SPOCK3: variants seen among roughly 807,000 people sequenced by gnomAD.
The protein encoded by SPOCK3 is SPARC (osteonectin), cwcv and kazal like domains proteoglycan 3, also known as testican-3.
In SPOCK3, 30 loss-of-function variants were observed where a neutral mutation model predicts 56.6. That is an observed-to-expected ratio of 0.53 (90% CI 0.40 to 0.72). The LOEUF is 0.72. SPOCK3 is among the 30% of genes least tolerant of loss of function. The pLI, the probability that SPOCK3 is intolerant of heterozygous loss-of-function variation, is 0.00. For missense variants in SPOCK3, 527 were observed against 530.0 expected, an observed-to-expected ratio of 0.99 and a Z score of 0.06; for synonymous variants, 196 against 183.3, an observed-to-expected ratio of 1.07 and a Z score of -0.56.
intron 4 of SPOCK3, among the ~76,000 whole-genome samples, chr4:166,931,883 C>G (rs149785671): frequency 9.1e-4 from 139 of 152,306 alleles, no homozygotes; most frequent in African/African-American, 3.1e-3. Context: ...CTCTCCATTA[C>G]TATTGGACCT....
At chr4:167,122,922 A>C (rs2150366637) in intron 2 of SPOCK3, among the ~76,000 whole-genome samples, 1 of 152,194 alleles carries the variant, frequency 6.6e-6, no homozygotes, top group Non-Finnish European at 1.5e-5. Flanking sequence ...GCCTTAAAAT[A>C]ACGGTAACTA....
At chr4:167,095,529 T>C (rs1759075643) in intron 2 of SPOCK3, among the ~76,000 whole-genome samples, 1 of 152,022 alleles carries the variant, frequency 6.6e-6, no homozygotes, top group East Asian at 1.9e-4. Flanking sequence ...AATTAACACC[T>C]AAATGTTATT....
At chr4:167,180,622 C>T (rs866795743) in intron 2 of SPOCK3, among the ~76,000 whole-genome samples, 1 of 152,136 alleles carries the variant, frequency 6.6e-6, no homozygotes, top group South Asian at 2.1e-4. Context: ...GATATTGCAG[C>T]ATTTATATTT....
intron 2 of SPOCK3, among the ~76,000 whole-genome samples, chr4:167,215,551 A>C (rs1394970274): frequency 6.6e-6 from 1 of 152,182 alleles, no homozygotes; most frequent in Non-Finnish European, 1.5e-5. Context: ...CACTGTGAGG[A>C]AGACACAAAA....
At chr4:167,188,779 G>C (rs1732233152) in intron 2 of SPOCK3, among the ~76,000 whole-genome samples, 1 of 146,018 alleles carries the variant, frequency 6.8e-6, no homozygotes, top group African/African-American at 2.6e-5. Flanking sequence ...CATTACTATA[G>C]ATCTTATGAC....
chr4:167,158,088 G>T (rs1397816821), intron 2 of SPOCK3, among the ~76,000 whole-genome samples: 1 of 151,852 alleles, frequency 6.6e-6, no homozygotes, highest in Non-Finnish European at 1.5e-5. Context: ...GATATTTGAG[G>T]CTGAAGATGA....
intron 2 of SPOCK3, among the ~76,000 whole-genome samples, chr4:167,130,612 TA>T (rs1762627892): frequency 6.6e-6 from 1 of 152,098 alleles, no homozygotes. Flanking sequence ...AGTTTGCAAC[TA>T]AACACATTCA....
Position 166,733,723 on chromosome 4 carries a change from T to C in SPOCK3, c.*1198A>G, listed in dbSNP as rs1733960600. 1 of 152,292 alleles carries C rather than the reference T, an allele frequency of 6.6e-6. No homozygotes were observed. Among genetic ancestry groups the C allele is most frequent in the Non-Finnish European group, 1.5e-5 (1 of 67,776 alleles). The allele number at this position is 152,292 out of a possible 1,614,324, so 9.4% of individuals were successfully genotyped here. ...TAAATACAGCGGTTAAAGTAATTTT[T>C]GCTACAGTTAAATCTTAAATGCTAC... On this transcript the variant is annotated 3_prime_UTR_variant, in exon 11 of 11. Coordinates refer to ENST00000357545, the MANE Select transcript of SPOCK3 (RefSeq NM_001040159.2).
intron 6 of SPOCK3, among the ~76,000 whole-genome samples, chr4:166,831,121 T>C (rs1030348012): frequency 6.6e-6 from 1 of 152,302 alleles, no homozygotes; most frequent in African/African-American, 2.4e-5. Context: ...GTGTAGAATC[T>C]ACTGAAAAAT....
chr4:167,108,686 G>C (rs995899757), intron 2 of SPOCK3, among the ~76,000 whole-genome samples: 1 of 151,464 alleles, frequency 6.6e-6, no homozygotes. Context: ...GGAAGCAGTG[G>C]AGATGGTTAA....
chr4:166,746,328 T>G (rs1244026358), intron 8 of SPOCK3, among the ~76,000 whole-genome samples: 2 of 152,124 alleles, frequency 1.3e-5, no homozygotes, highest in Admixed American at 6.5e-5. Context: ...GAACTCAGGA[T>G]TAAGAAACTC....
chr4:167,009,209 G>T (rs1304536364), intron 3 of SPOCK3, among the ~76,000 whole-genome samples: 1 of 151,506 alleles, frequency 6.6e-6, no homozygotes, highest in Non-Finnish European at 1.5e-5. Flanking sequence ...TAAACCATAG[G>T]CTAGGATCTG....
chr4:167,170,235 TATTTG>T (rs1730378734), intron 2 of SPOCK3, among the ~76,000 whole-genome samples: 1 of 152,168 alleles, frequency 6.6e-6, no homozygotes, highest in African/African-American at 2.4e-5. Flanking sequence ...AAGGGATGTG[TATTTG>T]ATTTGTTCTA....
intron 3 of SPOCK3, among the ~76,000 whole-genome samples, chr4:167,056,290 C>T (rs533199758): frequency 6.6e-6 from 1 of 152,236 alleles, no homozygotes; most frequent in South Asian, 2.1e-4. Flanking sequence ...ATCTGTACAT[C>T]ACCATCATCA....
At chr4:167,008,790 A>T (rs949859890) in intron 3 of SPOCK3, among the ~76,000 whole-genome samples, 1 of 152,122 alleles carries the variant, frequency 6.6e-6, no homozygotes, top group African/African-American at 2.4e-5. Context: ...CTAAACAAAG[A>T]GTACACATGG....
chr4:167,177,937 G>C (rs1731125687), intron 2 of SPOCK3, among the ~76,000 whole-genome samples: 2 of 152,056 alleles, frequency 1.3e-5, no homozygotes. Context: ...CCAAATATCA[G>C]GGCTGCTTTC....
intron 5 of SPOCK3, among the ~76,000 whole-genome samples, chr4:166,906,691 A>G (rs554918597): frequency 1.3e-5 from 2 of 151,912 alleles, no homozygotes; most frequent in Non-Finnish European, 2.9e-5. Flanking sequence ...ATCTGATATC[A>G]CAGGCTCTAA....
At chr4:166,745,669 C>T (rs1484107626) in intron 8 of SPOCK3, among the ~76,000 whole-genome samples, 1 of 152,078 alleles carries the variant, frequency 6.6e-6, no homozygotes, top group Non-Finnish European at 1.5e-5. Flanking sequence ...GGGCTAAATG[C>T]CCCAGTTAAA....
chr4:166,804,014 T>C (rs1742889881), intron 6 of SPOCK3, among the ~76,000 whole-genome samples: 1 of 152,160 alleles, frequency 6.6e-6, no homozygotes, highest in Admixed American at 6.5e-5. Context: ...AAGGGTTCAC[T>C]AGCAGCTTCT....
Sources: gnomAD v4.1 joint callset for allele counts (sites outside exome capture counted in the v4.1 genomes callset) on GRCh38, gnomAD v4.1.1 for gene constraint, MANE v1.5 for transcripts, NCBI Gene and HGNC (gene_info 2026-07-23, HGNC 2026-07-21) for gene names.